The following TAF4B variants were observed in gnomAD, a reference collection of about 807,000 sequenced individuals.
The protein encoded by TAF4B is transcription initiation factor TFIID subunit 4B.
In TAF4B, 38 loss-of-function variants were observed where a neutral mutation model predicts 86.4. The observed-to-expected ratio is 0.44, with a 90% confidence interval of 0.34 to 0.58. The LOEUF (loss-of-function observed/expected upper bound fraction) is 0.58, where lower values mean the gene tolerates loss of function less well. TAF4B is among the 20% of genes least tolerant of loss of function. The probability of loss-of-function intolerance (pLI) is 0.02; values close to 1 mark genes in which losing one functional copy is unlikely to be tolerated. For missense variants in TAF4B, 988 were observed against 1,027.6 expected (o/e 0.96, Z 0.53); for synonymous variants, 388 against 391.2 (o/e 0.99, Z 0.10).
intron 1 of TAF4B, chr18:26,256,328 G>A: frequency 6.9e-7 from 1 of 1,451,638 alleles, no homozygotes; most frequent in South Asian, 1.1e-5. Flanking sequence ...CTATACTTCG[G>A]TACATCTTTG....
intron 1 of TAF4B, among the ~76,000 whole-genome samples, chr18:26,232,682 C>T (rs1341967190): frequency 1.3e-5 from 2 of 152,214 alleles, no homozygotes; most frequent in African/African-American, 2.4e-5. Flanking sequence ...ATAAAAGCAA[C>T]ACTCTTCCCC....
chr18:26,261,165 C>A, intron 1 of TAF4B, among the ~76,000 whole-genome samples: 1 of 147,016 alleles, frequency 6.8e-6, no homozygotes, highest in Non-Finnish European at 1.5e-5. Context: ...TGAACATGAG[C>A]ACTGTCATTT....
rs1555677480 is a variant in TAF4B at position 26,285,211 on chromosome 18, T to TTTCC, written c.973-669_973-668insCCTT. Among the ~76,000 whole-genome samples the TTTCC allele has an allele frequency of 3.4e-4, 28 of 82,694 alleles. 1 individual carries two copies. The highest frequency in any genetic ancestry group is 1.3e-3 in the African/African-American group (26 of 20,428). The allele number at this position is 82,694 out of a possible 152,430, so 54.3% of individuals were successfully genotyped here. On this transcript the variant is annotated intron_variant, in intron 6 of 14. Transcript: ENST00000269142. ...TTTTAAAGACTATTTCTTCCTTTCCTTTTTTTTTTTGTTTTTTTTTTTTTT... is the reference window on the plus strand; with the variant it reads ...TTTTAAAGACTATTTCTTCCTTTCCTTTCCTTTTTTTTTTGTTTTTTTTTTTTTT...
chr18:26,249,675 T>C (rs1340936286), intron 1 of TAF4B, among the ~76,000 whole-genome samples: 1 of 152,242 alleles, frequency 6.6e-6, no homozygotes, highest in Non-Finnish European at 1.5e-5. Flanking sequence ...TGATTTTCAC[T>C]TATCATTATA....
At chr18:26,228,072 C>A (rs940571372) in intron 1 of TAF4B, among the ~76,000 whole-genome samples, 2 of 152,198 alleles carry the variant, frequency 1.3e-5, no homozygotes, top group Non-Finnish European at 1.5e-5. Flanking sequence ...ATGAGTCTTT[C>A]ACTACTTTCT....
At chr18:26,286,745 A>G (rs1168955317) in intron 7 of TAF4B, among the ~76,000 whole-genome samples, 1 of 151,940 alleles carries the variant, frequency 6.6e-6, no homozygotes, top group Non-Finnish European at 1.5e-5. Context: ...GTGCAGTGGC[A>G]CGATCTCGGC....
chr18:26,351,742 T>C (rs1259657474), intron 13 of TAF4B, among the ~76,000 whole-genome samples: 1 of 152,160 alleles, frequency 6.6e-6, no homozygotes, highest in Non-Finnish European at 1.5e-5. Context: ...AATAAAGGTT[T>C]AATGAAATAT....
intron 14 of TAF4B, among the ~76,000 whole-genome samples, chr18:26,381,162 A>C (rs2057475752): frequency 6.6e-6 from 1 of 151,832 alleles, no homozygotes; most frequent in South Asian, 2.1e-4. Flanking sequence ...CCACAGGCAC[A>C]CACCACCACG....
chr18:26,323,443 G>A (rs1281929248), intron 11 of TAF4B, among the ~76,000 whole-genome samples: 2 of 151,692 alleles, frequency 1.3e-5, no homozygotes, highest in Non-Finnish European at 2.9e-5. Flanking sequence ...CTGGACTCAA[G>A]CACCCTCCCA....
intron 6 of TAF4B, among the ~76,000 whole-genome samples, chr18:26,283,379 C>T (rs1012786788): frequency 3.3e-5 from 5 of 151,936 alleles, no homozygotes; most frequent in Admixed American, 6.6e-5. Context: ...ATCAGAACTT[C>T]TGGGTGACGA....
Position 26,292,394 on chromosome 18 carries a change from C to G in TAF4B, c.1726+13C>G. The G allele has an allele frequency of 6.2e-7, 1 of 1,603,804 alleles. No homozygotes were observed. The highest frequency in any genetic ancestry group is 8.5e-7 in the Non-Finnish European group (1 of 1,176,358). On this transcript the variant is annotated intron_variant, in intron 8 of 14. Coordinates refer to ENST00000269142, the MANE Select transcript of TAF4B (RefSeq NM_005640.3). ...CAGTTTCCTCCAGGTAGATGCTGGT[C>G]CATCTCAGTCCCATCATGCTGGGTT... is the stretch of plus-strand genomic sequence containing the variant.
chr18:26,229,383 G>T (rs1219324147), intron 1 of TAF4B, among the ~76,000 whole-genome samples: 3 of 151,848 alleles, frequency 2.0e-5, no homozygotes, highest in Non-Finnish European at 4.4e-5. Flanking sequence ...TGCTCTTATT[G>T]GATAGAATAA....
At chr18:26,342,939 A>T (rs910429835) in intron 13 of TAF4B, among the ~76,000 whole-genome samples, 1 of 152,252 alleles carries the variant, frequency 6.6e-6, no homozygotes, top group Non-Finnish European at 1.5e-5. Context: ...ACAGAAACCA[A>T]TTGTCAGAAT....
chr18:26,385,952 T>C (rs1978342982), intron 14 of TAF4B, among the ~76,000 whole-genome samples: 1 of 152,188 alleles, frequency 6.6e-6, no homozygotes, highest in Non-Finnish European at 1.5e-5. Context: ...ATTGACAAGT[T>C]ACAGTTGTGG....
chr18:26,227,769 G>A (rs1456399350), intron 1 of TAF4B, among the ~76,000 whole-genome samples: 1 of 152,138 alleles, frequency 6.6e-6, no homozygotes, highest in Admixed American at 6.5e-5. Flanking sequence ...CTCCCGCCTC[G>A]GCCTCCCAAA....
chr18:26,346,256 C>T (rs1344690228), intron 13 of TAF4B, among the ~76,000 whole-genome samples: 2 of 152,072 alleles, frequency 1.3e-5, no homozygotes, highest in African/African-American at 4.8e-5. Flanking sequence ...CAATACCCTA[C>T]ACCAAGCAGA....
intron 12 of TAF4B, among the ~76,000 whole-genome samples, chr18:26,331,444 T>A (rs1395298707): frequency 6.6e-6 from 1 of 152,044 alleles, no homozygotes; most frequent in Non-Finnish European, 1.5e-5. Flanking sequence ...CAGCCTGCAT[T>A]ATGAAAATCT....
intron 14 of TAF4B, among the ~76,000 whole-genome samples, chr18:26,370,735 G>A (rs2057400750): frequency 6.6e-6 from 1 of 152,136 alleles, no homozygotes; most frequent in Non-Finnish European, 1.5e-5. Flanking sequence ...TATAAAGTTG[G>A]ATCAGGCTGA....
Position 26,256,377 on chromosome 18 carries a change from T to G in TAF4B, c.344-8793T>G, listed in dbSNP as rs1247324509. ...AAACATCTTTTCTTCTGGGCAAAAGTCTTCCAAAAGCAGCCGTTCCACGCG... is the reference window on the plus strand; with the variant it reads ...AAACATCTTTTCTTCTGGGCAAAAGGCTTCCAAAAGCAGCCGTTCCACGCG... On this transcript the variant is annotated intron_variant, in intron 1 of 14. Transcript: ENST00000269142. The G allele has an allele frequency of 1.4e-5, 19 of 1,366,386 alleles. 1 individual carries two copies. In the East Asian group the frequency reaches 4.3e-4, roughly 31 times the overall value. The allele number at this position is 1,366,386 out of a possible 1,614,324, so 84.6% of individuals were successfully genotyped here. A position where few individuals can be genotyped will look rare whatever the true frequency, so the allele number is the denominator to read the frequency against.
Sources: allele counts gnomAD v4.1 joint callset (sites outside exome capture counted in the v4.1 genomes callset), GRCh38; gene constraint gnomAD v4.1.1; transcripts MANE v1.5; gene names NCBI Gene and HGNC (gene_info 2026-07-23, HGNC 2026-07-21).